IL1RAPL2: variants seen among roughly 807,000 people sequenced by gnomAD.
The protein encoded by IL1RAPL2 is X-linked interleukin-1 receptor accessory protein-like 2.
A neutral mutation model predicts 44.1 loss-of-function variants in IL1RAPL2; 3 were observed. That is an observed-to-expected ratio of 0.07 (90% CI 0.03 to 0.18). The LOEUF is 0.18. Ranked by LOEUF, IL1RAPL2 falls within the 10% of genes least tolerant of loss-of-function variation. The pLI, the probability that IL1RAPL2 is intolerant of heterozygous loss-of-function variation, is 1.00. For synonymous variants in IL1RAPL2, 181 were observed against 178.8 expected (o/e 1.01, Z -0.10); for missense variants, 391 against 496.4 (o/e 0.79, Z 2.02).
chrX:104,883,128 A>G (rs1373000456), intron 2 of IL1RAPL2, among the ~76,000 whole-genome samples: 4 of 111,739 alleles, frequency 3.6e-5, no homozygotes, highest in African/African-American at 1.3e-4. Flanking sequence ...ACCAGAAGGA[A>G]CCAATTCCAG....
At chrX:105,629,681 C>A (rs2037478788) in intron 6 of IL1RAPL2, among the ~76,000 whole-genome samples, 1 of 111,886 alleles carries the variant, frequency 8.9e-6, no homozygotes, top group Non-Finnish European at 1.9e-5. Flanking sequence ...TAAACACATG[C>A]ATCATACACA....
chrX:105,159,896 G>A, intron 2 of IL1RAPL2, among the ~76,000 whole-genome samples: 1 of 110,280 alleles, frequency 9.1e-6, no homozygotes, highest in Non-Finnish European at 1.9e-5. Context: ...GTGTAGCCCA[G>A]GCCTTTTTCC....
intron 5 of IL1RAPL2, among the ~76,000 whole-genome samples, chrX:105,444,643 G>A (rs2035942976): frequency 9.0e-6 from 1 of 110,660 alleles, no homozygotes; most frequent in African/African-American, 3.3e-5. Flanking sequence ...TTATTTATAT[G>A]TATTTATTTT....
chrX:104,811,705 C>T (rs1932982312), intron 2 of IL1RAPL2, among the ~76,000 whole-genome samples: 1 of 110,779 alleles, frequency 9.0e-6, no homozygotes, highest in Admixed American at 9.6e-5. Context: ...TGTATGGGGT[C>T]TTAGCGAATC....
intron 2 of IL1RAPL2, among the ~76,000 whole-genome samples, chrX:105,033,137 TC>T (rs772130137): frequency 7.2e-5 from 8 of 111,762 alleles, no homozygotes; most frequent in African/African-American, 2.0e-4. Flanking sequence ...GAGATGGGTT[TC>T]CTGAATACAG....
intron 1 of IL1RAPL2, among the ~76,000 whole-genome samples, chrX:104,569,948 A>G (rs1262423696): frequency 8.9e-6 from 1 of 112,218 alleles, no homozygotes; most frequent in African/African-American, 3.2e-5. Flanking sequence ...TTGTATTTGG[A>G]AATTTCCTGT....
intron 2 of IL1RAPL2, among the ~76,000 whole-genome samples, chrX:105,014,414 T>A (rs865898615): frequency 9.0e-6 from 1 of 110,872 alleles, no homozygotes; most frequent in Middle Eastern, 4.7e-3. Flanking sequence ...GCTGCACCCA[T>A]CGACCCGTCA....
At position 104,582,749 on chromosome X, in the gene IL1RAPL2, C is replaced by T. The variant is rs6616539; in HGVS notation, c.-20+15698C>T. ...TCTCTCTCCCTTCCTTCCTTCCTTC[C>T]TTCTTTCTTTCTTTCTTTTTTCTTT... On this transcript the variant is annotated intron_variant, in intron 1 of 10. Transcript: ENST00000372582. Among the ~76,000 whole-genome samples, 567 of 80,965 alleles carry T rather than the reference C, an allele frequency of 7.0e-3. 10 individuals are homozygous for T. The highest frequency in any genetic ancestry group is 0.027 in the African/African-American group (535 of 19,643). The allele number at this position is 80,965 out of a possible 115,157, so 70.3% of individuals were successfully genotyped here.
At chrX:105,144,445 G>A (rs1262244035) in intron 2 of IL1RAPL2, among the ~76,000 whole-genome samples, 3 of 111,076 alleles carry the variant, frequency 2.7e-5, no homozygotes, top group African/African-American at 9.9e-5. Flanking sequence ...TCGTAGTTAA[G>A]ATGTAAGTCT....
At chrX:104,935,164 T>G (rs1254936369) in intron 2 of IL1RAPL2, among the ~76,000 whole-genome samples, 1 of 112,494 alleles carries the variant, frequency 8.9e-6, no homozygotes, top group African/African-American at 3.2e-5. Flanking sequence ...TGTTTGATGC[T>G]CCAACAAATA....
intron 1 of IL1RAPL2, among the ~76,000 whole-genome samples, chrX:104,626,299 C>CTTGT (rs1555973857): frequency 9.9e-6 from 1 of 100,892 alleles, no homozygotes; most frequent in South Asian, 4.6e-4. Context: ...CTGTCTCATG[C>CTTGT]GTGTGTGTGT....
At chrX:104,752,377 A>C (rs769720262) in intron 2 of IL1RAPL2, among the ~76,000 whole-genome samples, 1 of 110,860 alleles carries the variant, frequency 9.0e-6, no homozygotes, top group Admixed American at 9.6e-5. Context: ...GATTTTGAAA[A>C]ATTACAAAAT....
intron 4 of IL1RAPL2, among the ~76,000 whole-genome samples, chrX:105,262,705 T>C (rs1373644558): frequency 1.8e-5 from 2 of 111,504 alleles, no homozygotes; most frequent in African/African-American, 6.5e-5. Flanking sequence ...TCAACATTAA[T>C]ACTGTGAAGA....
intron 1 of IL1RAPL2, among the ~76,000 whole-genome samples, chrX:104,579,554 C>T (rs1480286638): frequency 9.0e-6 from 1 of 111,346 alleles, no homozygotes; most frequent in Admixed American, 9.6e-5. Flanking sequence ...AGCTAAACAA[C>T]GAGAACACAT....
intron 6 of IL1RAPL2, among the ~76,000 whole-genome samples, chrX:105,544,258 G>A (rs1298458829): frequency 9.0e-6 from 1 of 111,035 alleles, no homozygotes; most frequent in Non-Finnish European, 1.9e-5. Context: ...ATTAATTTTT[G>A]CATCTTACAA....
chrX:105,475,970 A>G (rs1227725341), intron 5 of IL1RAPL2, among the ~76,000 whole-genome samples: 7 of 112,470 alleles, frequency 6.2e-5, no homozygotes, highest in Non-Finnish European at 1.3e-4. Flanking sequence ...GCAACTTCAC[A>G]GCAGCCCTGA....
At position 104,709,924 on chromosome X, in the gene IL1RAPL2, TAAAA is replaced by T. The variant is rs906153049; in HGVS notation, c.82+50933_82+50936del. On this transcript the variant is annotated intron_variant, in intron 2 of 10. Coordinates refer to ENST00000372582, the MANE Select transcript of IL1RAPL2 (RefSeq NM_017416.2). ...CATCATTAATCATGGAAATGGAAAT[TAAAA>T]AAAGCAGTGAGGTACCATTTCACAT... Among the ~76,000 whole-genome samples the T allele has an allele frequency of 9.1e-5, 10 of 110,436 alleles. No individual in the cohort carries two copies. In the East Asian group the frequency reaches 2.9e-3, roughly 32 times the overall value.
intron 5 of IL1RAPL2, among the ~76,000 whole-genome samples, chrX:105,284,222 G>T (rs745581155): frequency 8.9e-6 from 1 of 111,922 alleles, no homozygotes; most frequent in South Asian, 3.7e-4. Context: ...TACACAACTT[G>T]CCCAAGGCAA....
chrX:105,718,403 C>T (rs1483532705), intron 7 of IL1RAPL2, among the ~76,000 whole-genome samples: 1 of 111,916 alleles, frequency 8.9e-6, no homozygotes, highest in East Asian at 2.8e-4. Context: ...GACAGTTTCT[C>T]TCCATGTGTC....
Sources: gnomAD v4.1 joint callset for allele counts (sites outside exome capture counted in the v4.1 genomes callset) on GRCh38, gnomAD v4.1.1 for gene constraint, MANE v1.5 for transcripts, NCBI Gene and HGNC (gene_info 2026-07-23, HGNC 2026-07-21) for gene names.